The following KCNMA1 variants were observed in gnomAD, a reference collection of about 807,000 sequenced individuals.
The protein encoded by KCNMA1 is Calcium-activated potassium channel subunit alpha-1.
In KCNMA1, 29 loss-of-function variants were observed where a neutral mutation model predicts 140.0. That is an observed-to-expected ratio of 0.21 (90% confidence interval 0.15 to 0.28). The LOEUF (loss-of-function observed/expected upper bound fraction) is 0.28, where lower values mean the gene tolerates loss of function less well. Among genes scored for constraint, KCNMA1 ranks in the 10% least tolerant of loss-of-function variants. KCNMA1 has a pLI of 1.00. For missense variants in KCNMA1, 880 were observed against 1,602.2 expected (o/e 0.55, Z 7.70); for synonymous variants, 612 against 611.9 (o/e 1.00, Z 0.00).
chr10:77,006,693 G>A (rs1352139459), intron 18 of KCNMA1, among the ~76,000 whole-genome samples: 1 of 152,220 alleles, frequency 6.6e-6, no homozygotes, highest in Non-Finnish European at 1.5e-5. Flanking sequence ...CCTAATGACT[G>A]TATTGTGGCT....
intron 19 of KCNMA1, among the ~76,000 whole-genome samples, chr10:76,985,556 T>C (rs2081033633): frequency 6.6e-6 from 1 of 152,190 alleles, no homozygotes; most frequent in African/African-American, 2.4e-5. Context: ...ATCTATAAAA[T>C]GTTATATTTT....
chr10:76,871,793 C>T (rs909094543), exon 28 of KCNMA1: 2 of 152,224 alleles, frequency 1.3e-5, no homozygotes, highest in Non-Finnish European at 2.9e-5. Context: ...CACTTCAAAC[C>T]ACAGCATTTC....
At chr10:77,012,609 C>T (rs1462567094) in intron 17 of KCNMA1, 3 of 1,428,996 alleles carry the variant, frequency 2.1e-6, no homozygotes, top group Middle Eastern at 2.3e-4. Flanking sequence ...CTCTGTCAAA[C>T]CCCCTCTGGA....
At chr10:76,900,672 T>C (rs2044776264) in intron 25 of KCNMA1, among the ~76,000 whole-genome samples, 1 of 152,060 alleles carries the variant, frequency 6.6e-6, no homozygotes. Context: ...AAAACTGAAT[T>C]CACTATATAA....
intron 1 of KCNMA1, among the ~76,000 whole-genome samples, chr10:77,534,919 A>G (rs1460175037): frequency 1.3e-5 from 2 of 152,148 alleles, no homozygotes; most frequent in Admixed American, 1.3e-4. Flanking sequence ...TACACCCTGT[A>G]CCTCCAACTT....
At chr10:77,411,197 T>C (rs938746281) in intron 1 of KCNMA1, among the ~76,000 whole-genome samples, 1 of 152,066 alleles carries the variant, frequency 6.6e-6, no homozygotes, top group Non-Finnish European at 1.5e-5. Flanking sequence ...AGATGGGGGT[T>C]TCACCATGTC....
intron 6 of KCNMA1, among the ~76,000 whole-genome samples, chr10:77,120,097 A>G (rs747896202): frequency 3.9e-5 from 6 of 152,230 alleles, no homozygotes; most frequent in Non-Finnish European, 8.8e-5. Flanking sequence ...CCTGTTTTTA[A>G]TCATTTATCA....
intron 3 of KCNMA1, among the ~76,000 whole-genome samples, chr10:77,225,522 C>T (rs1401863988): frequency 2.0e-5 from 3 of 152,190 alleles, no homozygotes; most frequent in Non-Finnish European, 4.4e-5. Flanking sequence ...CAGTAATTCT[C>T]TAGAATTCTC....
intron 2 of KCNMA1, among the ~76,000 whole-genome samples, chr10:77,302,517 G>A (rs927957382): frequency 6.6e-6 from 1 of 151,914 alleles, no homozygotes. Flanking sequence ...ATGACTGTTT[G>A]TTCAGCCCCC....
At chr10:77,092,036 G>A (rs1329616125) in intron 9 of KCNMA1, 1 of 152,186 alleles carries the variant, frequency 6.6e-6, no homozygotes, top group Non-Finnish European at 1.5e-5. Flanking sequence ...ACCAAGGTGA[G>A]GGAAGAGTGT....
intron 3 of KCNMA1, among the ~76,000 whole-genome samples, chr10:77,188,169 G>GA (rs199737220): frequency 0.041 from 6,084 of 147,938 alleles, 159 homozygotes; most frequent in Non-Finnish European, 0.051. Flanking sequence ...GTGCTTTAAA[G>GA]AAAAAAAAAC....
intron 1 of KCNMA1, among the ~76,000 whole-genome samples, chr10:77,473,276 T>C (rs867097737): frequency 6.6e-5 from 10 of 152,150 alleles, no homozygotes; most frequent in African/African-American, 2.4e-4. Flanking sequence ...GAGGCAGGCA[T>C]TGGAGGAGTT....
chr10:77,219,291 C>A (rs537691587), intron 3 of KCNMA1, among the ~76,000 whole-genome samples: 58 of 152,240 alleles, frequency 3.8e-4, no homozygotes, highest in South Asian at 1.7e-3. Context: ...TAAGAAGGAT[C>A]CTAAGACGTT....
In KCNMA1 at chr10:77,581,585, G is replaced by A. The variant is rs1010532958; in HGVS notation, c.378+55680C>T. Among the ~76,000 whole-genome samples, 12 of 152,270 alleles carry A rather than the reference G, an allele frequency of 7.9e-5. 1 individual carries two copies. Among genetic ancestry groups the A allele is most frequent in the Admixed American group, 3.3e-4 (5 of 15,294 alleles). ...CTCCCAAAGTGCTGGGATTACAGGCGTGAGCCACCACACCCAGCCCCAATT... is the reference window on the plus strand; with the variant it reads ...CTCCCAAAGTGCTGGGATTACAGGCATGAGCCACCACACCCAGCCCCAATT... On this transcript the variant is annotated intron_variant, in intron 1 of 27. Coordinates refer to ENST00000286628, the MANE Select transcript of KCNMA1 (RefSeq NM_001161352.2).
rs546182859 is a variant in KCNMA1 at position 77,598,780 on chromosome 10, C to T, written c.378+38485G>A. Among the ~76,000 whole-genome samples, 63 of 152,310 alleles carry T rather than the reference C, an allele frequency of 4.1e-4. No homozygotes were observed. The South Asian group carries it at 0.012, about 30-fold the overall frequency. On this transcript the variant is annotated intron_variant, in intron 1 of 27. Transcript: ENST00000286628. ...CCTGCCCCGCATCCAGTGCAGCAAG[C>T]GTCCTGGGAAGGTCAGGCTGTGGCT...
intron 5 of KCNMA1, among the ~76,000 whole-genome samples, chr10:77,160,812 T>C (rs2098546178): frequency 6.6e-6 from 1 of 152,226 alleles, no homozygotes; most frequent in South Asian, 2.1e-4. Context: ...GCCCTGGTTT[T>C]GTTAGTCATT....
At chr10:76,911,208 A>ATTT (rs1378803161) in intron 24 of KCNMA1, 4 of 152,084 alleles carry the variant, frequency 2.6e-5, no homozygotes, top group East Asian at 1.9e-4. Flanking sequence ...CTTTTTTAAA[A>ATTT]AAAAAAAACT....
At position 77,112,461 on chromosome 10, in the gene KCNMA1, GC is replaced by G; in HGVS notation, c.885-20del. ...GGAATTACTGTGCAAGAGACAACAA[GC>G]AAAATCCCCACGTTACCAAGGGAAG... is the stretch of plus-strand genomic sequence containing the variant. On this transcript the variant is annotated intron_variant, in intron 6 of 27. Coordinates refer to ENST00000286628, the MANE Select transcript of KCNMA1 (RefSeq NM_001161352.2). 6.2e-7 allele frequency: 1 copy of G among 1,602,566 alleles called. No homozygotes were observed. The highest frequency in any genetic ancestry group is 8.5e-7 in the Non-Finnish European group (1 of 1,169,738).
chr10:77,282,676 C>A (rs1167068785), intron 2 of KCNMA1, among the ~76,000 whole-genome samples: 1 of 152,014 alleles, frequency 6.6e-6, no homozygotes, highest in African/African-American at 2.4e-5. Context: ...ATCTCCCCAG[C>A]CCCCAGCCTC....
Sources: allele counts gnomAD v4.1 joint callset (sites outside exome capture counted in the v4.1 genomes callset), GRCh38; gene constraint gnomAD v4.1.1; transcripts MANE v1.5; gene names NCBI Gene and HGNC (gene_info 2026-07-23, HGNC 2026-07-21).